Variants in ITCH observed in about 807,000 individuals in gnomAD.
ITCH encodes the protein itchy E3 ubiquitin protein ligase.
Under a neutral mutation model 126.8 loss-of-function variants are expected in ITCH, and 28 were observed. The observed-to-expected ratio is 0.22, with a 90% confidence interval of 0.16 to 0.30. The LOEUF (loss-of-function observed/expected upper bound fraction) is 0.30, where lower values mean the gene tolerates loss of function less well. Among genes scored for constraint, ITCH ranks in the 10% least tolerant of loss-of-function variants. The pLI is 1.00. For missense variants in ITCH, 631 were observed against 1,032.4 expected (o/e 0.61, Z 5.33); for synonymous variants, 342 against 340.0 (o/e 1.01, Z -0.06).
At chr20:34,407,429 G>C (rs1407919671) in intron 3 of ITCH, among the ~76,000 whole-genome samples, 1 of 152,082 alleles carries the variant, frequency 6.6e-6, no homozygotes, top group Non-Finnish European at 1.5e-5. Flanking sequence ...ACCACACCTG[G>C]CTAAGTTTTG....
At chr20:34,418,941 A>C (rs1401513450) in intron 6 of ITCH, among the ~76,000 whole-genome samples, 1 of 151,778 alleles carries the variant, frequency 6.6e-6, no homozygotes, top group African/African-American at 2.4e-5. Flanking sequence ...TTGTATTTTT[A>C]GTACAGGTGA....
intron 6 of ITCH, among the ~76,000 whole-genome samples, chr20:34,418,139 G>T (rs1464585179): frequency 6.6e-6 from 1 of 151,328 alleles, no homozygotes; most frequent in Admixed American, 6.6e-5. Context: ...GCTAATTTTT[G>T]TATTTTTTGT....
chr20:34,481,267 T>G (rs1311767442), intron 20 of ITCH, 61 bp downstream of exon 20: 1 of 1,454,110 alleles, frequency 6.9e-7, no homozygotes, highest in African/African-American at 1.4e-5. Flanking sequence ...GATAATTGCT[T>G]ACTAATACTA....
chr20:34,407,328 A>G (rs1254438354), intron 3 of ITCH, among the ~76,000 whole-genome samples: 1 of 152,082 alleles, frequency 6.6e-6, no homozygotes, highest in Non-Finnish European at 1.5e-5. Context: ...GTGCAGTGGC[A>G]TAATCTCGGC....
At chr20:34,491,186 C>A (rs1157489027) in intron 22 of ITCH, among the ~76,000 whole-genome samples, 1 of 152,126 alleles carries the variant, frequency 6.6e-6, no homozygotes. Context: ...CAGGGACTGT[C>A]TGTGTTGGAA....
chr20:34,478,020 C>T, intron 17 of ITCH, 160 bp downstream of exon 17: 1 of 894,678 alleles, frequency 1.1e-6, no homozygotes, highest in Non-Finnish European at 1.7e-6. Context: ...TTTCAAAAAA[C>T]ATTTAATTCA....
chr20:34,507,280 T>G lies in ITCH; in HGVS notation c.2490-415T>G, dbSNP rs983222725. ...TTTCTTCTGTTTTTTTTTTTTTTTTTTTTTTTTTTGGTTGTTGTTGTTGTT... is the reference window on the plus strand; with the variant it reads ...TTTCTTCTGTTTTTTTTTTTTTTTTGTTTTTTTTTGGTTGTTGTTGTTGTT... On this transcript the variant is annotated intron_variant, in intron 24 of 24. Transcript: ENST00000374864. Among the ~76,000 whole-genome samples, 33 of 91,828 alleles carry G rather than the reference T, an allele frequency of 3.6e-4. 1 individual carries two copies. Among genetic ancestry groups the G allele is most frequent in the South Asian group, 1.8e-3 (4 of 2,266 alleles). 60.2% of individuals were successfully genotyped at this position (91,828 alleles called of 152,430 possible).
At chr20:34,441,818 TC>T in intron 9 of ITCH, 1 of 247,134 alleles carries the variant, frequency 4.0e-6, no homozygotes, top group South Asian at 5.0e-5. Flanking sequence ...ACTCCTGACC[TC>T]AAGTAATCCA....
chr20:34,425,645 A>G (rs1418384401), intron 7 of ITCH, among the ~76,000 whole-genome samples: 1 of 152,214 alleles, frequency 6.6e-6, no homozygotes, highest in Non-Finnish European at 1.5e-5. Flanking sequence ...TGTTTGTGTA[A>G]AGTGAAACAT....
intron 23 of ITCH, among the ~76,000 whole-genome samples, chr20:34,502,911 C>T (rs1226274681): frequency 1.3e-5 from 2 of 151,968 alleles, no homozygotes; most frequent in Non-Finnish European, 2.9e-5. Context: ...CACAGCTACT[C>T]TAAGGCATGA....
intron 20 of ITCH, among the ~76,000 whole-genome samples, chr20:34,485,725 G>A (rs889962830): frequency 3.3e-5 from 5 of 151,920 alleles, no homozygotes; most frequent in South Asian, 2.1e-4. Context: ...CTCTGTTGCC[G>A]AGGCTGAAAT....
Position 34,503,870 on chromosome 20 carries a change from G to T in ITCH, c.2417-461G>T, listed in dbSNP as rs1054169146. Among the ~76,000 whole-genome samples, 266 of 55,658 alleles carry T rather than the reference G, an allele frequency of 4.8e-3. 2 individuals are homozygous for T. Among genetic ancestry groups the T allele is most frequent in the African/African-American group, 5.6e-3 (81 of 14,410 alleles). 36.5% of individuals were successfully genotyped at this position (55,658 alleles called of 152,430 possible). A position where few individuals can be genotyped will look rare whatever the true frequency, so the allele number is the denominator to read the frequency against. On this transcript the variant is annotated intron_variant, in intron 23 of 24. Transcript: ENST00000374864. ...TTTTTTGGGTTTTTTTTTTTTTTTG[G>T]TTTTTTTTTTTTTGGTTTTTTTTTT...
rs1989403572 is a variant in ITCH, at chr20:34,490,036, C to G, written c.2319+110C>G. On this transcript the variant is annotated intron_variant, in intron 22 of 24. Transcript: ENST00000374864. ...CAAAATGTACCAGTGTATATAGACC[C>G]CTTAGTCCATGCATTATAATAAATG... The G allele has an allele frequency of 5.4e-6, 4 of 740,824 alleles. No homozygotes were observed. The Admixed American group carries it at 6.0e-5, about 11-fold the overall frequency. The allele number at this position is 740,824 out of a possible 1,614,324, so 45.9% of individuals were successfully genotyped here.
At chr20:34,474,709 A>G (rs1211716790) in intron 16 of ITCH, among the ~76,000 whole-genome samples, 1 of 152,074 alleles carries the variant, frequency 6.6e-6, no homozygotes, top group Non-Finnish European at 1.5e-5. Flanking sequence ...GTGGCCTGGC[A>G]GAGGGGCTCC....
At chr20:34,388,920 G>C (rs1488972550) in intron 2 of ITCH, among the ~76,000 whole-genome samples, 1 of 152,154 alleles carries the variant, frequency 6.6e-6, no homozygotes, top group Non-Finnish European at 1.5e-5. Context: ...CAGAAAACAA[G>C]AGATGAAGAT....
chr20:34,388,722 A>G (rs1277361396), intron 2 of ITCH, among the ~76,000 whole-genome samples: 1 of 152,188 alleles, frequency 6.6e-6, no homozygotes, highest in Admixed American at 6.5e-5. Context: ...ATGTATTACA[A>G]TCCAAAACAC....
chr20:34,384,308 G>A (rs953780383), intron 2 of ITCH: 7 of 122,752 alleles, frequency 5.7e-5, no homozygotes. Context: ...TTGAGATAGA[G>A]TCTTGCTCTG....
Position 34,412,566 on chromosome 20 carries a change from A to G in ITCH, c.264A>G (p.Thr88=). ...KLHFRVWSHQ[T]LKSDVLLGTA... is the part of the protein sequence containing the mutation. ...ATTTTCGTGTGTGGAGTCACCAGAC[A>G]CTGAAATCTGATGTTTTGTTGGGAA... The change falls in exon 5 of 25, where the codon ACA becomes ACG. Residue 88 remains threonine, a synonymous_variant. Coordinates refer to ENST00000374864, the MANE Select transcript of ITCH (RefSeq NM_031483.7). The G allele has an allele frequency of 6.2e-7, 1 of 1,604,012 alleles. No homozygotes were observed. Among genetic ancestry groups the G allele is most frequent in the South Asian group, 1.1e-5 (1 of 90,884 alleles).
chr20:34,429,397 C>G (rs939585996), intron 7 of ITCH, among the ~76,000 whole-genome samples: 5 of 152,138 alleles, frequency 3.3e-5, no homozygotes, highest in Non-Finnish European at 5.9e-5. Flanking sequence ...AAATAAACCG[C>G]CAGTACTATT....
Sources: gnomAD v4.1 joint callset for allele counts (sites outside exome capture counted in the v4.1 genomes callset) on GRCh38, gnomAD v4.1.1 for gene constraint, MANE v1.5 for transcripts, NCBI Gene and HGNC (gene_info 2026-07-23, HGNC 2026-07-21) for gene names.